Variants in SLC39A11 observed in about 807,000 individuals in gnomAD.
SLC39A11 encodes the protein solute carrier family 39 member 11.
Under a neutral mutation model 36.1 loss-of-function variants are expected in SLC39A11, and 33 were observed. That is an observed-to-expected ratio of 0.91 (90% confidence interval 0.69 to 1.22). The LOEUF (loss-of-function observed/expected upper bound fraction) is 1.22, where lower values mean the gene tolerates loss of function less well. SLC39A11 is among the 50% of genes most tolerant of loss of function. The pLI, the probability that SLC39A11 is intolerant of heterozygous loss-of-function variation, is 0.00. For synonymous variants in SLC39A11, 166 were observed against 170.3 expected (o/e 0.97, Z 0.20); for missense variants, 432 against 430.3 (o/e 1.00, Z -0.03).
chr17:73,029,209 A>C (rs1291511180), intron 4 of SLC39A11, among the ~76,000 whole-genome samples: 1 of 151,984 alleles, frequency 6.6e-6, no homozygotes, highest in East Asian at 1.9e-4. Context: ...CAGACAGCTG[A>C]CCAAATACAT....
At chr17:72,853,326 C>T (rs2079465551) in intron 5 of SLC39A11, among the ~76,000 whole-genome samples, 1 of 151,992 alleles carries the variant, frequency 6.6e-6, no homozygotes, top group Admixed American at 6.6e-5. Flanking sequence ...CTGCACCTTG[C>T]CCCTTGGGGA....
chr17:73,004,163 AAAAGAAAGAAAGAAAGAAAGAAAG>A (rs1268703786), intron 4 of SLC39A11, among the ~76,000 whole-genome samples: 9 of 100,234 alleles, frequency 9.0e-5, no homozygotes, highest in Non-Finnish European at 1.5e-4. Context: ...AAGAAGGAAA[AAAAGAAAGAAAGAAAGAAAGAAAG>A]AAAGAAAGAA....
chr17:72,802,903 C>A (rs560737978), intron 6 of SLC39A11, among the ~76,000 whole-genome samples: 23 of 152,290 alleles, frequency 1.5e-4, no homozygotes, highest in Non-Finnish European at 2.6e-4. Context: ...GACTGGGAGC[C>A]ACCTTCAGGC....
At chr17:72,748,370 G>T (rs1421790223) in intron 6 of SLC39A11, among the ~76,000 whole-genome samples, 2 of 151,758 alleles carry the variant, frequency 1.3e-5, no homozygotes, top group African/African-American at 4.8e-5. Flanking sequence ...TGTTTATTAA[G>T]AAATATTGAC....
intron 6 of SLC39A11, among the ~76,000 whole-genome samples, chr17:72,773,680 C>CACACACAG (rs879349280): frequency 3.8e-4 from 57 of 150,030 alleles, no homozygotes; most frequent in African/African-American, 1.4e-3. Flanking sequence ...CACACACACC[C>CACACACAG]AGTATATAAA....
chr17:73,088,849 A>G (rs1392715719), intron 1 of SLC39A11, 74 bp from the exon 2 acceptor site: 27 of 1,112,356 alleles, frequency 2.4e-5, no homozygotes, highest in Non-Finnish European at 3.5e-5. Context: ...GACGGGTCCT[A>G]ACACCCTGTG....
intron 7 of SLC39A11, among the ~76,000 whole-genome samples, chr17:72,671,718 TA>T (rs35369499): frequency 0.022 from 3,246 of 148,686 alleles, 52 homozygotes; most frequent in South Asian, 0.06. Context: ...CAAAACTGTC[TA>T]AAAAAAAAAA....
intron 3 of SLC39A11, among the ~76,000 whole-genome samples, chr17:73,063,922 A>G (rs149349113): frequency 7.0e-4 from 107 of 152,258 alleles, no homozygotes; most frequent in African/African-American, 2.4e-3. Flanking sequence ...TCTTAAATAC[A>G]ATACTAATCT....
chr17:72,909,264 C>G (rs2082836985), intron 5 of SLC39A11, among the ~76,000 whole-genome samples: 2 of 152,208 alleles, frequency 1.3e-5, no homozygotes, highest in South Asian at 4.1e-4. Flanking sequence ...GCCATTGCAT[C>G]CCACCCATTC....
chr17:72,959,488 T>C (rs1199843685), intron 4 of SLC39A11, among the ~76,000 whole-genome samples: 2 of 151,654 alleles, frequency 1.3e-5, no homozygotes, highest in African/African-American at 2.4e-5. Context: ...AAACATCATA[T>C]GTTCTCACTG....
At chr17:72,994,265 A>G (rs1327858115) in intron 4 of SLC39A11, among the ~76,000 whole-genome samples, 1 of 152,356 alleles carries the variant, frequency 6.6e-6, no homozygotes, top group Non-Finnish European at 1.5e-5. Context: ...CAAGAGCTAT[A>G]GACAATGATG....
At chr17:73,044,038 G>A (rs561125393) in intron 3 of SLC39A11, among the ~76,000 whole-genome samples, 6 of 152,132 alleles carry the variant, frequency 3.9e-5, no homozygotes, top group African/African-American at 1.2e-4. Flanking sequence ...ATTAATTAAC[G>A]TAGATGGGCT....
intron 3 of SLC39A11, among the ~76,000 whole-genome samples, chr17:73,051,137 G>T (rs919342078): frequency 6.6e-6 from 1 of 152,240 alleles, no homozygotes; most frequent in Admixed American, 6.5e-5. Flanking sequence ...TGGGAAGAAA[G>T]CTTCCCTGCC....
At chr17:72,804,814 G>T (rs1001283912) in intron 6 of SLC39A11, among the ~76,000 whole-genome samples, 1 of 152,140 alleles carries the variant, frequency 6.6e-6, no homozygotes, top group African/African-American at 2.4e-5. Context: ...GAGGTCAGGG[G>T]ATCAAGACCA....
chr17:73,063,571 T>C (rs1037796351), intron 3 of SLC39A11, among the ~76,000 whole-genome samples: 1 of 151,828 alleles, frequency 6.6e-6, no homozygotes. Context: ...GCCGAGATCG[T>C]GTCACTGCAC....
chr17:72,729,405 T>TTTTATA (rs1351785432), intron 7 of SLC39A11, among the ~76,000 whole-genome samples: 5 of 29,228 alleles, frequency 1.7e-4, no homozygotes, highest in Non-Finnish European at 2.2e-4. Context: ...ACCTGGCTAT[T>TTTTATA]TATATATATA....
At chr17:73,025,840 C>T (rs547757124) in intron 4 of SLC39A11, among the ~76,000 whole-genome samples, 132 of 152,270 alleles carry the variant, frequency 8.7e-4, no homozygotes, top group African/African-American at 2.7e-3. Flanking sequence ...AGGGGCTGGG[C>T]GTGGTGGCTC....
At chr17:72,684,101 T>C (rs959809405) in intron 7 of SLC39A11, among the ~76,000 whole-genome samples, 13 of 152,230 alleles carry the variant, frequency 8.5e-5, no homozygotes, top group African/African-American at 2.9e-4. Flanking sequence ...TTCTGGCCCC[T>C]GGGGAGCCAC....
At chr17:72,771,370 A>T (rs896128158) in intron 6 of SLC39A11, among the ~76,000 whole-genome samples, 4 of 147,354 alleles carry the variant, frequency 2.7e-5, no homozygotes, top group Non-Finnish European at 6.1e-5. Flanking sequence ...AAAAAAAAAA[A>T]TCCTTAAACA....
Sources: allele counts gnomAD v4.1 joint callset (sites outside exome capture counted in the v4.1 genomes callset), GRCh38; gene constraint gnomAD v4.1.1; transcripts MANE v1.5; gene names NCBI Gene and HGNC (gene_info 2026-07-23, HGNC 2026-07-21).